PXMP4: variants seen among roughly 807,000 people sequenced by gnomAD.
The protein encoded by PXMP4 is peroxisomal membrane protein 4.
A neutral mutation model predicts 21.6 loss-of-function variants in PXMP4; 16 were observed. The ratio of observed to expected loss-of-function variants is 0.74; its 90% CI spans 0.50 to 1.13. The LOEUF is 1.13. Among genes scored for constraint, PXMP4 ranks in the 50% most tolerant of loss-of-function variants. The pLI is 0.00. For synonymous variants in PXMP4, 127 were observed against 123.8 expected, an observed-to-expected ratio of 1.03 and a Z score of -0.17; for missense variants, 240 against 277.7, an observed-to-expected ratio of 0.86 and a Z score of 0.96.
rs566921841 is a variant in PXMP4 at position 33,703,230 on chromosome 20, TGCTC to T, written c.*4472_*4475del. 3.1e-4 allele frequency: 48 copies of T among 152,392 alleles called. No individual in the cohort carries two copies. The highest frequency in any genetic ancestry group is 2.5e-3 in the Admixed American group (39 of 15,308). 9.4% of individuals were successfully genotyped at this position (152,392 alleles called of 1,614,324 possible). On this transcript the variant is annotated 3_prime_UTR_variant, in exon 4 of 4. Coordinates refer to ENST00000409299, the MANE Select transcript of PXMP4 (RefSeq NM_007238.5). ...GGCAGGACAGGCTAAAAGCAGGGTGTGCTCAGTCCTCAGGGGCACACTTCCTCTA... is the reference window on the plus strand; with the variant it reads ...GGCAGGACAGGCTAAAAGCAGGGTGTAGTCCTCAGGGGCACACTTCCTCTA...
At chr20:33,716,394 C>A (rs2122592031) in intron 1 of PXMP4, among the ~76,000 whole-genome samples, 1 of 152,274 alleles carries the variant, frequency 6.6e-6, no homozygotes, top group South Asian at 2.1e-4. Flanking sequence ...TTTGGCCTGG[C>A]AGTTCCTACT....
At position 33,704,679 on chromosome 20, in the gene PXMP4, A is replaced by G. The variant is rs1028123391; in HGVS notation, c.*3027T>C. 1.3e-5 allele frequency: 2 copies of G among 152,202 alleles called. No homozygotes were observed. The highest frequency in any genetic ancestry group is 4.8e-5 in the African/African-American group (2 of 41,466). The allele number at this position is 152,202 out of a possible 1,614,324, so 9.4% of individuals were successfully genotyped here. ...AAGGGCTCTGTGACTCATTTGTCAG[A>G]TGGGATAATAATGGACGGCTCCATA... On this transcript the variant is annotated 3_prime_UTR_variant, in exon 4 of 4. Coordinates refer to ENST00000409299, the MANE Select transcript of PXMP4 (RefSeq NM_007238.5).
At chr20:33,714,806 G>A (rs1212596554) in intron 1 of PXMP4, 70 bp from the exon 2 acceptor site, 4 of 1,488,760 alleles carry the variant, frequency 2.7e-6, no homozygotes, top group Non-Finnish European at 1.9e-6. Context: ...CTGTCCTTTT[G>A]ACCCCTTGTT....
intron 1 of PXMP4, 107 bp downstream of exon 1, chr20:33,719,988 G>A (rs2018430310): frequency 9.3e-7 from 1 of 1,076,162 alleles, no homozygotes; most frequent in African/African-American, 1.6e-5. Flanking sequence ...AGACACACGA[G>A]GACTGCTCCA....
At position 33,707,949 on chromosome 20, in the gene PXMP4, T is replaced by C. The variant is rs142193405; in HGVS notation, c.396A>G (p.Ser132=). Residue 132 remains serine, a synonymous_variant, in exon 4 of 4, where the codon TCA becomes TCG. Transcript: ENST00000409299. ...INSQINMYLL[S]RVLFALSRLA... ...GGCGGCTCAGGGCAAACAGGACGCG[T>C]GACAACAGGTACATGTTGATCTGCA... 1 of 1,613,846 alleles carries C rather than the reference T, an allele frequency of 6.2e-7. No homozygotes were observed. Among genetic ancestry groups the C allele is most frequent in the Non-Finnish European group, 8.5e-7 (1 of 1,180,018 alleles).
rs1288144173 is a variant in PXMP4, at chr20:33,707,870, G to A, written c.475C>T (p.Leu159Phe). The A allele has an allele frequency of 4.3e-6, 7 of 1,614,170 alleles. No homozygotes were observed. In the South Asian group the frequency reaches 7.7e-5, roughly 18 times the overall value. The change falls in exon 4 of 4, where the codon CTC becomes TTC. Residue 159 changes from leucine (L) to phenylalanine (F), a missense_variant. Physicochemically the swap from Leu to Phe is conservative, Grantham distance 22. Transcript: ENST00000409299. The stretch of plus-strand genomic sequence containing the variant: ...ACCAGCCCCCACACCACCGCAGTGA[G>A]CAGCGGGAACGGGTCCCACCTGGGT... ...PEPRWDPFPL[L>F]TAVVWGLVLW...
At chr20:33,712,518 G>C (rs1273630858) in intron 2 of PXMP4, among the ~76,000 whole-genome samples, 1 of 151,878 alleles carries the variant, frequency 6.6e-6, no homozygotes, top group Admixed American at 6.6e-5. Context: ...GGCATGATCT[G>C]GGCTCACTGC....
In PXMP4 at chr20:33,703,180, G is replaced by C. The variant is rs532039690; in HGVS notation, c.*4526C>G. 1 of 152,230 alleles carries C rather than the reference G, an allele frequency of 6.6e-6. No homozygotes were observed. The highest frequency in any genetic ancestry group is 1.5e-5 in the Non-Finnish European group (1 of 68,062). The allele number at this position is 152,230 out of a possible 1,614,324, so 9.4% of individuals were successfully genotyped here. Reference sequence around the variant, plus strand: ...GTGGCGGGACTTCAGGAGGGCAGGCGGCCAAGGTTTCACCTTCAGCTGGGG... The same window carrying C: ...GTGGCGGGACTTCAGGAGGGCAGGCCGCCAAGGTTTCACCTTCAGCTGGGG... On this transcript the variant is annotated 3_prime_UTR_variant, in exon 4 of 4. Coordinates refer to ENST00000409299, the MANE Select transcript of PXMP4 (RefSeq NM_007238.5).
rs916735616 is a variant in PXMP4, at chr20:33,720,107, C to T, written c.101G>A (p.Arg34Gln). 1.9e-6 allele frequency: 3 copies of T among 1,613,536 alleles called. No individual in the cohort carries two copies. The highest frequency in any genetic ancestry group is 1.7e-6 in the Non-Finnish European group (2 of 1,179,844). The change falls in exon 1 of 4, where the codon CGG (arginine) becomes CAG (glutamine). Residue 34 changes from arginine to glutamine, a missense_variant. Physicochemically the swap from Arg to Gln is conservative, Grantham distance 43. Transcript: ENST00000409299. ...CGGCCCCACTCACACAGCCCCGTTC[C>T]GGAAGCCCTTAAGCACGGCCAACGC... ...HAALAVLKGF[R>Q]NGAVYGAKIR...
rs2122578097 is a variant in PXMP4 at position 33,707,383 on chromosome 20, C to A, written c.*323G>T. The A allele has an allele frequency of 3.6e-6, 1 of 274,660 alleles. No individual in the cohort carries two copies. The allele number at this position is 274,660 out of a possible 1,614,324, so 17.0% of individuals were successfully genotyped here. A position where few individuals can be genotyped will look rare whatever the true frequency, so the allele number is the denominator to read the frequency against. ...TAAGAACAGTTGAAGAATGAACATA[C>A]CCACCGGAAAGAGACCTCAGGGCCC... is the stretch of plus-strand genomic sequence containing the variant. On this transcript the variant is annotated 3_prime_UTR_variant, in exon 4 of 4. Transcript: ENST00000409299.
rs1231206782 is a variant in PXMP4, at chr20:33,707,130, T to G, written c.*576A>C. On this transcript the variant is annotated 3_prime_UTR_variant, in exon 4 of 4. Coordinates refer to ENST00000409299, the MANE Select transcript of PXMP4 (RefSeq NM_007238.5). ...CCTGAGCTCAAGTGATCCACCTGCC[T>G]CAGCCTCCCAAAGTTCTGAGATTAC... 6.6e-6 allele frequency: 1 copy of G among 152,264 alleles called. No individual in the cohort carries two copies. Among genetic ancestry groups the G allele is most frequent in the Non-Finnish European group, 1.5e-5 (1 of 68,088 alleles). 9.4% of individuals were successfully genotyped at this position (152,264 alleles called of 1,614,324 possible). A position where few individuals can be genotyped will look rare whatever the true frequency, so the allele number is the denominator to read the frequency against.
At chr20:33,713,034 T>C (rs1271301765) in intron 2 of PXMP4, among the ~76,000 whole-genome samples, 1 of 152,262 alleles carries the variant, frequency 6.6e-6, no homozygotes, top group African/African-American at 2.4e-5. Flanking sequence ...AATGTTGGGA[T>C]TATAGGCGTG....
Position 33,706,790 on chromosome 20 carries a change from T to C in PXMP4, c.*916A>G, listed in dbSNP as rs1437464524. On this transcript the variant is annotated 3_prime_UTR_variant, in exon 4 of 4. Coordinates refer to ENST00000409299, the MANE Select transcript of PXMP4 (RefSeq NM_007238.5). ...GTGGGTGGCAAAATATACACCCAATTTTGAATACTTAATACAAAAAAGAGT... is the reference window on the plus strand; with the variant it reads ...GTGGGTGGCAAAATATACACCCAATCTTGAATACTTAATACAAAAAAGAGT... 8 of 152,218 alleles carry C rather than the reference T, an allele frequency of 5.3e-5. No homozygotes were observed. The highest frequency in any genetic ancestry group is 2.9e-5 in the Non-Finnish European group (2 of 68,042). The allele number at this position is 152,218 out of a possible 1,614,324, so 9.4% of individuals were successfully genotyped here.
At chr20:33,709,294 C>T (rs73093436) in intron 3 of PXMP4, among the ~76,000 whole-genome samples, 8,632 of 152,090 alleles carry the variant, frequency 0.057, 268 homozygotes, top group South Asian at 0.08. Context: ...AAGACTGTCT[C>T]AACAAAAACA....
rs998950203 is a variant in PXMP4, at chr20:33,706,449, T to G, written c.*1257A>C. 1 of 151,156 alleles carries G rather than the reference T, an allele frequency of 6.6e-6. No individual in the cohort carries two copies. The highest frequency in any genetic ancestry group is 2.4e-5 in the African/African-American group (1 of 41,080). The allele number at this position is 151,156 out of a possible 1,614,324, so 9.4% of individuals were successfully genotyped here. A position where few individuals can be genotyped will look rare whatever the true frequency, so the allele number is the denominator to read the frequency against. ...GCTACTTAAAAAAAAAAAATAATAATAATATGTGGAAAACACCCAAGTGGA... is the reference window on the plus strand; with the variant it reads ...GCTACTTAAAAAAAAAAAATAATAAGAATATGTGGAAAACACCCAAGTGGA... On this transcript the variant is annotated 3_prime_UTR_variant, in exon 4 of 4. Transcript: ENST00000409299.
chr20:33,715,695 G>A (rs1477169404), intron 1 of PXMP4, among the ~76,000 whole-genome samples: 51 of 152,078 alleles, frequency 3.4e-4, no homozygotes, highest in Admixed American at 3.0e-3. Flanking sequence ...CTAAAGTGCT[G>A]GGATTACAGG....
rs1242383655 is a variant in PXMP4 at position 33,706,776 on chromosome 20, AATAT to A, written c.*926_*929del. The A allele has an allele frequency of 6.6e-6, 1 of 152,228 alleles. No homozygotes were observed. The highest frequency in any genetic ancestry group is 1.5e-5 in the Non-Finnish European group (1 of 68,042). 9.4% of individuals were successfully genotyped at this position (152,228 alleles called of 1,614,324 possible). A position where few individuals can be genotyped will look rare whatever the true frequency, so the allele number is the denominator to read the frequency against. ...TGGGTCCTGAAAATGTGGGTGGCAAAATATACACCCAATTTTGAATACTTAATAC... is the reference window on the plus strand; with the variant it reads ...TGGGTCCTGAAAATGTGGGTGGCAAAACACCCAATTTTGAATACTTAATAC... On this transcript the variant is annotated 3_prime_UTR_variant, in exon 4 of 4. Coordinates refer to ENST00000409299, the MANE Select transcript of PXMP4 (RefSeq NM_007238.5).
At chr20:33,710,477 C>T (rs1953859732) in intron 3 of PXMP4, 78 bp downstream of exon 3, 1 of 319,692 alleles carries the variant, frequency 3.1e-6, no homozygotes, top group Non-Finnish European at 5.4e-6. Flanking sequence ...CTGTACTGAA[C>T]CACGCCCCCT....
chr20:33,709,680 T>A (rs1178436321), intron 3 of PXMP4, among the ~76,000 whole-genome samples: 1 of 151,536 alleles, frequency 6.6e-6, no homozygotes, highest in Non-Finnish European at 1.5e-5. Context: ...CCCCAACCTC[T>A]ATACAGAACC....
Sources: allele counts gnomAD v4.1 joint callset (sites outside exome capture counted in the v4.1 genomes callset), GRCh38; gene constraint gnomAD v4.1.1; transcripts MANE v1.5; gene names NCBI Gene and HGNC (gene_info 2026-07-23, HGNC 2026-07-21).